Variants in WDR11 observed in about 807,000 individuals in gnomAD.
The protein encoded by WDR11 is WD repeat-containing protein 11.
In WDR11, 83 loss-of-function variants were observed where a neutral mutation model predicts 151.2. That is an observed-to-expected ratio of 0.55 (90% CI 0.46 to 0.66). WDR11 has a LOEUF of 0.66. Ranked by LOEUF, WDR11 falls within the 30% of genes least tolerant of loss-of-function variation. The pLI, the probability that WDR11 is intolerant of heterozygous loss-of-function variation, is 0.00. For missense variants in WDR11, 1,301 were observed against 1,480.9 expected, an observed-to-expected ratio of 0.88 and a Z score of 1.99; for synonymous variants, 484 against 533.1, an observed-to-expected ratio of 0.91 and a Z score of 1.27.
chr10:120,861,567 A>G (rs2133737738), intron 4 of WDR11, among the ~76,000 whole-genome samples: 1 of 152,362 alleles, frequency 6.6e-6, no homozygotes, highest in Non-Finnish European at 1.5e-5. Context: ...TGATTGCATC[A>G]GCTCTTTACA....
intron 19 of WDR11, among the ~76,000 whole-genome samples, chr10:120,895,203 T>C (rs1365824840): frequency 6.6e-6 from 1 of 151,792 alleles, no homozygotes; most frequent in African/African-American, 2.4e-5. Flanking sequence ...TATGTATAGT[T>C]AATTTTTTTC....
At position 120,859,954 on chromosome 10, in the gene WDR11, T is replaced by TACAC. The variant is rs3217470; in HGVS notation, c.353-134_353-131dup. Reference sequence around the variant, plus strand: ...ATTAGTTTTTTCTCTGGAATATTGATACACACACACACACACACACACACG... The same window carrying TACAC: ...ATTAGTTTTTTCTCTGGAATATTGATACACACACACACACACACACACACACACG... On this transcript the variant is annotated intron_variant, in intron 3 of 28. Transcript: ENST00000263461. Among the ~76,000 whole-genome samples, 57 of 150,840 alleles carry TACAC rather than the reference T, an allele frequency of 3.8e-4. No individual in the cohort carries two copies. The South Asian group carries it at 7.4e-3, about 20-fold the overall frequency.
intron 11 of WDR11, among the ~76,000 whole-genome samples, chr10:120,876,313 G>C (rs1353839582): frequency 6.6e-6 from 1 of 152,076 alleles, no homozygotes; most frequent in Non-Finnish European, 1.5e-5. Context: ...GCTTCTGATT[G>C]TGATGGAAAT....
At position 120,903,211 on chromosome 10, in the gene WDR11, CTG is replaced by C; in HGVS notation, c.2913_2914del (p.Cys971Ter). The C allele has an allele frequency of 6.2e-7, 1 of 1,614,186 alleles. No individual in the cohort carries two copies. Among genetic ancestry groups the C allele is most frequent in the Non-Finnish European group, 8.5e-7 (1 of 1,180,014 alleles). ...NPLDICYDVL[C>X]ENAYFQKFQL... ...CACTGGATATATGCTATGACGTGCTCTGTGAAAATGCCTACTTTCAGGTAGTC... is the reference window on the plus strand; with the variant it reads ...CACTGGATATATGCTATGACGTGCTCTGAAAATGCCTACTTTCAGGTAGTC... On this transcript the variant is annotated frameshift_variant, in exon 23 of 29. Coordinates refer to ENST00000263461, the MANE Select transcript of WDR11 (RefSeq NM_018117.12). LOFTEE classifies it high-confidence loss of function.
chr10:120,904,878 G>A lies in WDR11; in HGVS notation c.3193+67G>A. Reference sequence around the variant, plus strand: ...AGACCTTGTTCCCAGCAAAGTATCTGATTAGTAGGGACATTTCTTTCTCTT... The same window carrying A: ...AGACCTTGTTCCCAGCAAAGTATCTAATTAGTAGGGACATTTCTTTCTCTT... On this transcript the variant is annotated intron_variant, in intron 25 of 28. Transcript: ENST00000263461. The A allele has an allele frequency of 3.9e-6, 6 of 1,547,686 alleles. No individual in the cohort carries two copies. The South Asian group carries it at 6.7e-5, about 17-fold the overall frequency.
intron 8 of WDR11, 30 bp downstream of exon 8, chr10:120,866,794 T>C: frequency 6.2e-7 from 1 of 1,613,028 alleles, no homozygotes; most frequent in Non-Finnish European, 8.5e-7. Context: ...CATGGTTTTG[T>C]TTTTTGTTTC....
intron 17 of WDR11, 75 bp from the exon 18 acceptor site, chr10:120,889,820 G>C: frequency 2.0e-6 from 2 of 986,446 alleles, no homozygotes; most frequent in Non-Finnish European, 3.2e-6. Flanking sequence ...GAAATAGTGA[G>C]AGATGTTAGA....
intron 5 of WDR11, among the ~76,000 whole-genome samples, chr10:120,864,457 TC>T (rs1846245314): frequency 6.6e-6 from 1 of 152,150 alleles, no homozygotes; most frequent in Admixed American, 6.6e-5. Flanking sequence ...ACCCTAACAA[TC>T]TCTTAAAATC....
At chr10:120,875,978 C>CTTTTTTTTT (rs67775105) in intron 11 of WDR11, among the ~76,000 whole-genome samples, 71 of 122,816 alleles carry the variant, frequency 5.8e-4, no homozygotes, top group African/African-American at 2.1e-3. Context: ...CCTTTTTTTT[C>CTTTTTTTTT]TTTTTTTTTT....
At chr10:120,874,188 TTTTTGTTGTTG>T (rs1846658860) in intron 11 of WDR11, among the ~76,000 whole-genome samples, 1 of 90,868 alleles carries the variant, frequency 1.1e-5, no homozygotes, top group Non-Finnish European at 2.3e-5. Context: ...TTTTTTTTTT[TTTTTGTTGTTG>T]TTGTTGTTGT....
intron 17 of WDR11, chr10:120,889,624 C>A: frequency 2.1e-6 from 1 of 487,110 alleles, no homozygotes; most frequent in Non-Finnish European, 3.7e-6. Context: ...GTAGCTTGGA[C>A]CCTTGGGTCC....
In WDR11 at chr10:120,866,785, AT is replaced by A. The variant is rs1846329686; in HGVS notation, c.1190+22del. 6.2e-6 allele frequency: 10 copies of A among 1,613,592 alleles called. No individual in the cohort carries two copies. The East Asian group carries it at 2.2e-4, about 36-fold the overall frequency. On this transcript the variant is annotated intron_variant, in intron 8 of 28. Transcript: ENST00000263461. ...AACAGGTAAATGAATCAACAGGATC[AT>A]GGTTTTGTTTTTTGTTTCCTGTTTC...
chr10:120,873,489 A>T (rs1426259371), intron 10 of WDR11, among the ~76,000 whole-genome samples: 1 of 152,228 alleles, frequency 6.6e-6, no homozygotes, highest in African/African-American at 2.4e-5. Context: ...GACCAGCTAT[A>T]ATAAACCTTC....
At position 120,862,594 on chromosome 10, in the gene WDR11, C is replaced by T. The variant is rs181362437; in HGVS notation, c.527-141C>T. The T allele has an allele frequency of 4.6e-5, 40 of 861,880 alleles. No homozygotes were observed. In the East Asian group the frequency reaches 8.8e-4, roughly 19 times the overall value. 53.4% of individuals were successfully genotyped at this position (861,880 alleles called of 1,614,324 possible). A position where few individuals can be genotyped will look rare whatever the true frequency, so the allele number is the denominator to read the frequency against. ...GTTTCTCTTCAACTTAGAGAACATT[C>T]CCATTATGTTATGAATGCATAACAT... is the stretch of plus-strand genomic sequence containing the variant. On this transcript the variant is annotated intron_variant, in intron 4 of 28. Transcript: ENST00000263461.
intron 11 of WDR11, among the ~76,000 whole-genome samples, chr10:120,874,211 TGTTTTGTTTTGTTTTG>T (rs1846670452): frequency 8.5e-6 from 1 of 118,228 alleles, no homozygotes; most frequent in African/African-American, 3.4e-5. Context: ...TGTTGTTGTT[TGTTTTGTTTTGTTTTG>T]TTTTTTTTAA....
At position 120,874,186 on chromosome 10, in the gene WDR11, T is replaced by G. The variant is rs59566226; in HGVS notation, c.1556+263T>G. Among the ~76,000 whole-genome samples the G allele has an allele frequency of 6.0e-3, 580 of 96,950 alleles. 20 individuals are homozygous for G. Among genetic ancestry groups the G allele is most frequent in the African/African-American group, 0.017 (487 of 27,860 alleles). The allele number at this position is 96,950 out of a possible 152,430, so 63.6% of individuals were successfully genotyped here. A position where few individuals can be genotyped will look rare whatever the true frequency, so the allele number is the denominator to read the frequency against. On this transcript the variant is annotated intron_variant, in intron 11 of 28. Transcript: ENST00000263461. ...ATTGCGGTTTTTGCAGTTTTTTTTT[T>G]TTTTTTGTTGTTGTTGTTGTTGTTT... is the stretch of plus-strand genomic sequence containing the variant.
Position 120,865,726 on chromosome 10 carries a change from A to G in WDR11, c.976A>G (p.Thr326Ala). Residue 326 changes from threonine to alanine, a missense_variant, in exon 7 of 29, where the codon ACT (threonine) becomes GCT (alanine). Coordinates refer to ENST00000263461, the MANE Select transcript of WDR11 (RefSeq NM_018117.12). The stretch of plus-strand genomic sequence containing the variant: ...AAGATCTTATAATAACATTTTTACC[A>G]CTTCAAATGAGGAACCAGGTGAGTT... ...VRRSYNNIFT[T>A]SNEEPDPDPV... The G allele has an allele frequency of 6.2e-7, 1 of 1,603,838 alleles. No individual in the cohort carries two copies.
chr10:120,858,697 C>T lies in WDR11; in HGVS notation c.253C>T (p.Arg85Trp), dbSNP rs138379518. ...TAACATTGGCTCACCATATTGCTTA[C>T]GGTTAGCTTCTGCTGATGTCAATGG... ...HHNIGSPYCL[R>W]LASADVNGKI... The change falls in exon 3 of 29, where the codon CGG becomes TGG. Residue 85 changes from arginine to tryptophan, a missense_variant. Arg to Trp is a moderately radical substitution (Grantham distance 101). Coordinates refer to ENST00000263461, the MANE Select transcript of WDR11 (RefSeq NM_018117.12). The T allele has an allele frequency of 9.3e-6, 15 of 1,614,054 alleles. No homozygotes were observed. The African/African-American group carries it at 9.3e-5, about 10-fold the overall frequency.
chr10:120,877,832 C>T (rs1846850747), intron 11 of WDR11, among the ~76,000 whole-genome samples: 1 of 152,180 alleles, frequency 6.6e-6, no homozygotes, highest in Non-Finnish European at 1.5e-5. Flanking sequence ...CTCATGACAG[C>T]AGATAGCACA....
Sources: gnomAD v4.1 joint callset for allele counts (sites outside exome capture counted in the v4.1 genomes callset) on GRCh38, gnomAD v4.1.1 for gene constraint, MANE v1.5 for transcripts, NCBI Gene and HGNC (gene_info 2026-07-23, HGNC 2026-07-21) for gene names.